SNTG1: variants seen among roughly 807,000 people sequenced by gnomAD.
The protein encoded by SNTG1 is gamma-1-syntrophin.
Under a neutral mutation model 74.7 loss-of-function variants are expected in SNTG1, and 39 were observed. That is an observed-to-expected ratio of 0.52 (90% CI 0.40 to 0.68). The LOEUF (loss-of-function observed/expected upper bound fraction) is 0.68. Among genes scored for constraint, SNTG1 ranks in the 30% least tolerant of loss-of-function variants. SNTG1 has a pLI of 0.00. For synonymous variants in SNTG1, 254 were observed against 217.1 expected (o/e 1.17, Z -1.49); for missense variants, 685 against 609.5 (o/e 1.12, Z -1.30).
chr8:50,656,830 T>G (rs1352393173), intron 13 of SNTG1, 79 bp from the exon 14 acceptor site: 2 of 903,218 alleles, frequency 2.2e-6, no homozygotes, highest in Non-Finnish European at 3.5e-6. Flanking sequence ...ATTTTTAATA[T>G]TTGCATCTAA....
At chr8:50,148,061 CAA>C (rs1229235421) in intron 1 of SNTG1, among the ~76,000 whole-genome samples, 1 of 152,000 alleles carries the variant, frequency 6.6e-6, no homozygotes, top group African/African-American at 2.4e-5. Flanking sequence ...TCACAACAGC[CAA>C]AGTTTGTACA....
intron 1 of SNTG1, among the ~76,000 whole-genome samples, chr8:50,001,947 G>T (rs7845905): frequency 0.044 from 6,756 of 152,220 alleles, 508 homozygotes; most frequent in African/African-American, 0.15. Context: ...GCTTGTGGAA[G>T]GTGACCCAGA....
In SNTG1 at chr8:50,131,482, TG is replaced by T. The variant is rs2081314862; in HGVS notation, c.-102-41078del. Among the ~76,000 whole-genome samples the T allele has an allele frequency of 4.6e-5, 7 of 152,270 alleles. No individual in the cohort carries two copies. The South Asian group carries it at 1.4e-3, about 32-fold the overall frequency. Reference sequence around the variant, plus strand: ...GAATGTCCTTCAGGTTCATGGATGTTGCTGCAAGTGACAGGATTTACTTGTG... The same window carrying T: ...GAATGTCCTTCAGGTTCATGGATGTTCTGCAAGTGACAGGATTTACTTGTG... On this transcript the variant is annotated intron_variant, in intron 1 of 18. Coordinates refer to ENST00000642720, the MANE Select transcript of SNTG1 (RefSeq NM_018967.5).
chr8:50,624,897 G>A (rs568254345), intron 13 of SNTG1, among the ~76,000 whole-genome samples: 9 of 152,256 alleles, frequency 5.9e-5, no homozygotes, highest in East Asian at 5.8e-4. Context: ...ACACGGAGAC[G>A]TTCATAGAGT....
At chr8:50,699,300 ATAAAG>A (rs2095415633) in intron 15 of SNTG1, among the ~76,000 whole-genome samples, 1 of 152,196 alleles carries the variant, frequency 6.6e-6, no homozygotes, top group Admixed American at 6.5e-5. Flanking sequence ...TACATTTTAC[ATAAAG>A]TAAACATGAA....
chr8:50,579,606 C>A (rs2094597215), intron 12 of SNTG1, among the ~76,000 whole-genome samples: 1 of 152,124 alleles, frequency 6.6e-6, no homozygotes, highest in Non-Finnish European at 1.5e-5. Flanking sequence ...CCCTGCATCG[C>A]AGCTGCTCTG....
intron 2 of SNTG1, among the ~76,000 whole-genome samples, chr8:50,199,864 T>C (rs2083920570): frequency 6.6e-6 from 1 of 152,176 alleles, no homozygotes; most frequent in Admixed American, 6.6e-5. Flanking sequence ...GGAATATTGA[T>C]TCTGAAGTGA....
chr8:50,658,450 C>T (rs888939500), intron 14 of SNTG1, 142 bp from the exon 15 acceptor site: 3 of 530,852 alleles, frequency 5.7e-6, no homozygotes, highest in African/African-American at 2.0e-5. Context: ...ATGTAGGGTC[C>T]TTTATGAGCA....
At chr8:50,785,702 C>T (rs928068215) in intron 18 of SNTG1, among the ~76,000 whole-genome samples, 14 of 152,024 alleles carry the variant, frequency 9.2e-5, no homozygotes, top group Non-Finnish European at 1.8e-4. Flanking sequence ...AAAACCAAAA[C>T]CATCAGATGA....
intron 1 of SNTG1, among the ~76,000 whole-genome samples, chr8:50,113,031 C>T (rs1422540480): frequency 6.6e-6 from 1 of 152,008 alleles, no homozygotes; most frequent in Admixed American, 6.6e-5. Context: ...TAGCATGATG[C>T]CTCCAGCTTT....
At chr8:50,750,106 A>G (rs1052209916) in intron 17 of SNTG1, among the ~76,000 whole-genome samples, 5 of 152,080 alleles carry the variant, frequency 3.3e-5, no homozygotes, top group Admixed American at 2.6e-4. Flanking sequence ...CAAAATATCA[A>G]TATAAATAGG....
intron 2 of SNTG1, among the ~76,000 whole-genome samples, chr8:50,320,420 G>A (rs2090481753): frequency 6.6e-6 from 1 of 151,628 alleles, no homozygotes; most frequent in East Asian, 1.9e-4. Context: ...TAGTTAGTCT[G>A]ACTACAGATT....
chr8:50,324,443 C>G (rs964811964), intron 2 of SNTG1, among the ~76,000 whole-genome samples: 1 of 152,152 alleles, frequency 6.6e-6, no homozygotes, highest in Admixed American at 6.5e-5. Context: ...TGATTGTTCA[C>G]ATGATTTTCG....
chr8:50,003,213 T>A (rs73569385), intron 1 of SNTG1, among the ~76,000 whole-genome samples: 2,943 of 152,268 alleles, frequency 0.019, 96 homozygotes, highest in African/African-American at 0.065. Context: ...AACCACTGAG[T>A]TGTACACTTA....
intron 1 of SNTG1, among the ~76,000 whole-genome samples, chr8:50,160,868 G>A (rs544264038): frequency 1.3e-5 from 2 of 152,210 alleles, no homozygotes; most frequent in Non-Finnish European, 2.9e-5. Context: ...ATTTTTTGAA[G>A]GAGTTTTGAA....
chr8:50,016,268 A>C (rs1205764905), intron 1 of SNTG1, among the ~76,000 whole-genome samples: 1 of 152,102 alleles, frequency 6.6e-6, no homozygotes, highest in Non-Finnish European at 1.5e-5. Flanking sequence ...CTGATAGAGA[A>C]ATGGTTTGTT....
At chr8:50,177,948 C>G (rs542704322) in intron 2 of SNTG1, among the ~76,000 whole-genome samples, 1 of 152,294 alleles carries the variant, frequency 6.6e-6, no homozygotes, top group Non-Finnish European at 1.5e-5. Flanking sequence ...TCTCAATTGT[C>G]ACATAATTGG....
chr8:50,484,121 T>TTTCTTTCTTTCTTTCTTTCTTTCC (rs1563453241), intron 8 of SNTG1, among the ~76,000 whole-genome samples: 1 of 112,718 alleles, frequency 8.9e-6, no homozygotes, highest in Admixed American at 9.5e-5. Context: ...TCTTTCTTTC[T>TTTCTTTCTTTCTTTCTTTCTTTCC]TTCTTTCTTT....
chr8:49,998,405 C>A (rs1257516267), intron 1 of SNTG1, among the ~76,000 whole-genome samples: 1 of 152,014 alleles, frequency 6.6e-6, no homozygotes, highest in African/African-American at 2.4e-5. Context: ...CCTTAGCCTG[C>A]TGTAACTTTT....
Sources: allele counts gnomAD v4.1 joint callset (sites outside exome capture counted in the v4.1 genomes callset), GRCh38; gene constraint gnomAD v4.1.1; transcripts MANE v1.5; gene names NCBI Gene and HGNC (gene_info 2026-07-23, HGNC 2026-07-21).